Variants in PKP4 observed in about 807,000 individuals in gnomAD.
PKP4 encodes the protein plakophilin 4.
PKP4 carries 90 observed loss-of-function variants against 145.1 expected under a neutral mutation model. The ratio of observed to expected loss-of-function variants is 0.62; its 90% CI spans 0.52 to 0.74. The LOEUF (loss-of-function observed/expected upper bound fraction) is 0.74, where lower values mean the gene tolerates loss of function less well. Among genes scored for constraint, PKP4 ranks in the 30% least tolerant of loss-of-function variants. PKP4 has a pLI of 0.00. For synonymous variants in PKP4, 563 were observed against 577.2 expected (o/e 0.98, Z 0.35); for missense variants, 1,340 against 1,482.7 (o/e 0.90, Z 1.58).
intron 3 of PKP4, among the ~76,000 whole-genome samples, chr2:158,594,398 A>G (rs1308049890): frequency 1.3e-5 from 2 of 152,212 alleles, no homozygotes; most frequent in African/African-American, 4.8e-5. Context: ...ATAGGCATGT[A>G]CCATTTTCAG....
chr2:158,573,244 A>C (rs2047558240), intron 2 of PKP4, among the ~76,000 whole-genome samples: 1 of 152,262 alleles, frequency 6.6e-6, no homozygotes, highest in Admixed American at 6.5e-5. Context: ...CAGTAAAAGC[A>C]ATCTGCAAAA....
intron 2 of PKP4, among the ~76,000 whole-genome samples, chr2:158,556,208 A>G (rs1031123459): frequency 4.6e-5 from 7 of 152,168 alleles, no homozygotes; most frequent in Admixed American, 2.0e-4. Context: ...GTGTGATTGT[A>G]TGTGTGAAAA....
chr2:158,535,051 G>A (rs2043914709), intron 2 of PKP4, among the ~76,000 whole-genome samples: 1 of 152,064 alleles, frequency 6.6e-6, no homozygotes, highest in South Asian at 2.1e-4. Flanking sequence ...TTTAAAAATT[G>A]TAAGTACTTA....
At chr2:158,608,456 T>G (rs1168463777) in intron 4 of PKP4, among the ~76,000 whole-genome samples, 1 of 152,196 alleles carries the variant, frequency 6.6e-6, no homozygotes, top group Non-Finnish European at 1.5e-5. Flanking sequence ...GTGGCTAATC[T>G]CCCCTCGCCA....
At chr2:158,522,939 G>A (rs532518472) in intron 1 of PKP4, among the ~76,000 whole-genome samples, 6 of 152,208 alleles carry the variant, frequency 3.9e-5, no homozygotes, top group South Asian at 2.1e-4. Context: ...AAAAAACGGC[G>A]CACCACCAGA....
rs553455823 is a variant in PKP4, at chr2:158,676,923, G to C, written c.3256+56G>C. On this transcript the variant is annotated intron_variant, in intron 20 of 21. Transcript: ENST00000389759. ...CTCTTGAAAAGCCGCATTTCCAGGCGCTTGGCCAGTGGCCTGGGAAGTAGC... is the reference window on the plus strand; with the variant it reads ...CTCTTGAAAAGCCGCATTTCCAGGCCCTTGGCCAGTGGCCTGGGAAGTAGC... The C allele has an allele frequency of 1.6e-4, 254 of 1,608,822 alleles. 1 individual carries two copies. Among genetic ancestry groups the C allele is most frequent in the Non-Finnish European group, 1.9e-4 (218 of 1,176,386 alleles).
At chr2:158,463,448 G>T (rs983816942) in intron 1 of PKP4, among the ~76,000 whole-genome samples, 1 of 151,200 alleles carries the variant, frequency 6.6e-6, no homozygotes, top group African/African-American at 2.4e-5. Flanking sequence ...AAATCAGCAG[G>T]AGACTCCCAA....
chr2:158,470,685 G>A (rs146228684), intron 1 of PKP4, among the ~76,000 whole-genome samples: 175 of 152,302 alleles, frequency 1.1e-3, no homozygotes, highest in African/African-American at 3.9e-3. Flanking sequence ...ACACTAGTAA[G>A]AAGAACTGAG....
intron 1 of PKP4, among the ~76,000 whole-genome samples, chr2:158,502,649 T>G (rs1030703954): frequency 6.6e-6 from 1 of 152,188 alleles, no homozygotes; most frequent in African/African-American, 2.4e-5. Context: ...GTAGCACAAC[T>G]AGTCTGTAAA....
chr2:158,677,386 T>TAACA (rs113250797), intron 20 of PKP4: 119,443 of 187,192 alleles, frequency 0.64, 38,508 homozygotes, highest in South Asian at 0.8. Context: ...TTTTTAAGAA[T>TAACA]AACAAAAATA....
intron 1 of PKP4, among the ~76,000 whole-genome samples, chr2:158,483,727 T>G (rs923962774): frequency 1.3e-5 from 2 of 152,202 alleles, no homozygotes; most frequent in African/African-American, 4.8e-5. Flanking sequence ...CACTAAAGTT[T>G]ACTCTTGAAT....
intron 1 of PKP4, among the ~76,000 whole-genome samples, chr2:158,467,869 G>T (rs1481516936): frequency 6.6e-6 from 1 of 151,888 alleles, no homozygotes; most frequent in Non-Finnish European, 1.5e-5. Context: ...AATAAAAAAA[G>T]AATATTATAT....
At chr2:158,638,651 A>G (rs2054012357) in intron 9 of PKP4, among the ~76,000 whole-genome samples, 1 of 152,118 alleles carries the variant, frequency 6.6e-6, no homozygotes, top group East Asian at 1.9e-4. Context: ...AGGTGGGGTG[A>G]GGGGATAATA....
Position 158,516,624 on chromosome 2 carries a change from G to A in PKP4, c.-5-16556G>A, listed in dbSNP as rs6722625. 9.9e-3 allele frequency among the ~76,000 whole-genome samples: 1,497 copies of A among 151,220 alleles called. 23 individuals are homozygous for A. Among genetic ancestry groups the A allele is most frequent in the African/African-American group, 0.035 (1,436 of 41,234 alleles). Reference sequence around the variant, plus strand: ...TATGGGCTAAAAAGACAACCACTAGGTAAGATAGCAAGTACACTGGATTAT... The same window carrying A: ...TATGGGCTAAAAAGACAACCACTAGATAAGATAGCAAGTACACTGGATTAT... On this transcript the variant is annotated intron_variant, in intron 1 of 21. Transcript: ENST00000389759.
intron 4 of PKP4, among the ~76,000 whole-genome samples, chr2:158,611,221 G>A (rs547909679): frequency 5.9e-5 from 9 of 152,270 alleles, no homozygotes; most frequent in African/African-American, 1.9e-4. Flanking sequence ...GTTTAAAACT[G>A]ATTCTATAAC....
At position 158,618,488 on chromosome 2, in the gene PKP4, A is replaced by G. The variant is rs567249606; in HGVS notation, c.281-2502A>G. ...AATATTTAAAAGGAATATGGCTGTC[A>G]TATTACTTTTGGAATAATTTTGTAT... On this transcript the variant is annotated intron_variant, in intron 4 of 21. Transcript: ENST00000389759. 2.6e-5 allele frequency among the ~76,000 whole-genome samples: 4 copies of G among 152,326 alleles called. No individual in the cohort carries two copies. In the East Asian group the frequency reaches 5.8e-4, roughly 22 times the overall value.
intron 1 of PKP4, among the ~76,000 whole-genome samples, chr2:158,462,784 ATC>A (rs2105377070): frequency 6.6e-6 from 1 of 152,158 alleles, no homozygotes; most frequent in African/African-American, 2.4e-5. Flanking sequence ...AGATTGTATA[ATC>A]TCTGTGGTCC....
At chr2:158,633,544 T>A (rs542543214) in intron 8 of PKP4, among the ~76,000 whole-genome samples, 20 of 152,370 alleles carry the variant, frequency 1.3e-4, no homozygotes, top group Admixed American at 1.1e-3. Context: ...ATGAATTACT[T>A]GTTTCTGGAA....
chr2:158,600,749 G>C (rs969903247), intron 3 of PKP4, among the ~76,000 whole-genome samples: 14 of 152,010 alleles, frequency 9.2e-5, no homozygotes, highest in Non-Finnish European at 2.1e-4. Context: ...AAAGTAGTTG[G>C]GCTGAATAGA....
Sources: allele counts gnomAD v4.1 joint callset (sites outside exome capture counted in the v4.1 genomes callset), GRCh38; gene constraint gnomAD v4.1.1; transcripts MANE v1.5; gene names NCBI Gene and HGNC (gene_info 2026-07-23, HGNC 2026-07-21).